Variants in FAM53A observed in about 807,000 individuals in gnomAD.
The protein encoded by FAM53A is family with sequence similarity 53 member A.
In FAM53A, 28 loss-of-function variants were observed where a neutral mutation model predicts 26.6. The observed-to-expected ratio is 1.05, with a 90% CI of 0.78 to 1.45. The LOEUF (loss-of-function observed/expected upper bound fraction) is 1.45. Among genes scored for constraint, FAM53A ranks in the 40% most tolerant of loss-of-function variants. The probability of loss-of-function intolerance (pLI) is 0.00; values close to 1 mark genes in which losing one functional copy is unlikely to be tolerated. For missense variants in FAM53A, 650 were observed against 575.8 expected (o/e 1.13, Z -1.32); for synonymous variants, 290 against 253.1 (o/e 1.15, Z -1.38).
At chr4:1,614,506 A>T (rs1714740146), downstream of FAM53A, among the ~76,000 whole-genome samples, 1 of 143,824 alleles carries the variant, frequency 7.0e-6, no homozygotes, top group South Asian at 2.3e-4. Context: ...CAGAGACGTG[A>T]GGGGGATGCA....
the FAM53A span, among the ~76,000 whole-genome samples, chr4:1,602,372 G>C: frequency 6.6e-6 from 1 of 152,364 alleles, no homozygotes; most frequent in East Asian, 1.9e-4. Context: ...TCAATTCCCT[G>C]GCCAGGAAGG....
chr4:1,651,046 G>A (rs1434478797), intron 4 of FAM53A, among the ~76,000 whole-genome samples: 14 of 148,308 alleles, frequency 9.4e-5, no homozygotes, highest in South Asian at 2.2e-4. Context: ...GTGAAACCCC[G>A]TCTGTACTAA....
At chr4:1,583,881 A>T in the FAM53A span, among the ~76,000 whole-genome samples, 1 of 152,178 alleles carries the variant, frequency 6.6e-6, no homozygotes, top group Non-Finnish European at 1.5e-5. Context: ...TGCCTCTCTG[A>T]TGGGTGCAGA....
chr4:1,663,780 G>A (rs1047537534), intron 2 of FAM53A, among the ~76,000 whole-genome samples: 2 of 151,394 alleles, frequency 1.3e-5, no homozygotes, highest in African/African-American at 4.9e-5. Flanking sequence ...ACTAGCCTGG[G>A]CAACACAGCA....
At chr4:1,670,848 C>T (rs1285394481) in intron 1 of FAM53A, among the ~76,000 whole-genome samples, 4 of 152,346 alleles carry the variant, frequency 2.6e-5, no homozygotes, top group Non-Finnish European at 4.4e-5. Flanking sequence ...CCACCAGTAA[C>T]TGGGGTGCCA....
chr4:1,613,555 C>G (rs1387584735), downstream of FAM53A, among the ~76,000 whole-genome samples: 1 of 152,118 alleles, frequency 6.6e-6, no homozygotes, highest in Non-Finnish European at 1.5e-5. Context: ...GCAGGCACCA[C>G]GAGAGAAGAA....
intron 1 of FAM53A, among the ~76,000 whole-genome samples, chr4:1,673,676 G>A (rs998042621): frequency 6.6e-6 from 1 of 152,222 alleles, no homozygotes. Flanking sequence ...AGAGGTTGCA[G>A]TGAGCCGAAA....
downstream of FAM53A, among the ~76,000 whole-genome samples, chr4:1,636,972 A>G (rs761968049): frequency 6.0e-4 from 91 of 152,056 alleles, no homozygotes; most frequent in Non-Finnish European, 1.2e-3. Flanking sequence ...TCCTCCCCCC[A>G]GGGCACTGGC....
chr4:1,632,596 T>G (rs1715658162), intron 1 of FAM53A, among the ~76,000 whole-genome samples: 1 of 152,230 alleles, frequency 6.6e-6, no homozygotes, highest in African/African-American at 2.4e-5. Context: ...ATCTGCGCCC[T>G]TAGAGTAGAG....
chr4:1,677,888 T>C (rs962105631), intron 1 of FAM53A, among the ~76,000 whole-genome samples: 12 of 152,210 alleles, frequency 7.9e-5, no homozygotes, highest in African/African-American at 2.7e-4. Context: ...GAGGTCGCAA[T>C]GAGCTGAGAT....
intron 4 of FAM53A, among the ~76,000 whole-genome samples, chr4:1,643,334 C>T (rs555843778): frequency 4.8e-4 from 73 of 151,862 alleles, no homozygotes; most frequent in Non-Finnish European, 6.5e-4. Context: ...GGCGTGGTGG[C>T]GGGCGCCTGT....
chr4:1,611,149 T>G, the FAM53A span, among the ~76,000 whole-genome samples: 1 of 152,176 alleles, frequency 6.6e-6, no homozygotes, highest in Non-Finnish European at 1.5e-5. Context: ...CCAGCCCGGC[T>G]CACAGGAAGC....
the FAM53A span, among the ~76,000 whole-genome samples, chr4:1,588,513 C>T: frequency 6.6e-6 from 1 of 152,184 alleles, no homozygotes; most frequent in East Asian, 1.9e-4. Flanking sequence ...GGGGTGGGGG[C>T]ACCTGCTGTG....
chr4:1,575,583 C>G, the FAM53A span, among the ~76,000 whole-genome samples: 1 of 152,016 alleles, frequency 6.6e-6, no homozygotes, highest in Admixed American at 6.5e-5. Flanking sequence ...GGACGGGGAG[C>G]GCCTTGCCCG....
At chr4:1,651,409 G>A (rs1391309984) in intron 4 of FAM53A, among the ~76,000 whole-genome samples, 1 of 148,852 alleles carries the variant, frequency 6.7e-6, no homozygotes, top group African/African-American at 2.5e-5. Context: ...GTGCATGCCT[G>A]CAACCCCAGC....
chr4:1,621,101 CTTT>C (rs574102929), intron 1 of FAM53A, among the ~76,000 whole-genome samples: 6,529 of 95,462 alleles, frequency 0.068, 529 homozygotes, highest in African/African-American at 0.23. Context: ...AGCTACGCTA[CTTT>C]TTTTTTTTTT....
the FAM53A span, among the ~76,000 whole-genome samples, chr4:1,578,528 C>T: frequency 0.016 from 2,443 of 151,698 alleles, 75 homozygotes; most frequent in African/African-American, 0.056. Context: ...CCCTCAGTTA[C>T]GGGGAGAGGG....
chr4:1,654,904 C>T (rs1713177470), intron 4 of FAM53A, 74 bp downstream of exon 4: 1 of 1,447,400 alleles, frequency 6.9e-7, no homozygotes. Flanking sequence ...TCCAGAGAAT[C>T]AGCCAGCCTC....
At chr4:1,669,671 C>T (rs1051507536) in intron 1 of FAM53A, among the ~76,000 whole-genome samples, 9 of 152,220 alleles carry the variant, frequency 5.9e-5, no homozygotes, top group Non-Finnish European at 1.3e-4. Flanking sequence ...TCAGACCCAA[C>T]AGAGGCCAAA....
Sources: gnomAD v4.1 joint callset for allele counts (sites outside exome capture counted in the v4.1 genomes callset) on GRCh38, gnomAD v4.1.1 for gene constraint, MANE v1.5 for transcripts, NCBI Gene and HGNC (gene_info 2026-07-23, HGNC 2026-07-21) for gene names.